Variants in SPG11 observed in about 807,000 individuals in gnomAD.
The protein encoded by SPG11 is spatacsin.
SPG11 carries 222 observed loss-of-function variants against 274.0 expected under a neutral mutation model. That is an observed-to-expected ratio of 0.81 (90% CI 0.73 to 0.91). The LOEUF (loss-of-function observed/expected upper bound fraction) is 0.91. SPG11 is among the 40% of genes least tolerant of loss of function. The probability of loss-of-function intolerance (pLI) is 0.00; values close to 1 mark genes in which losing one functional copy is unlikely to be tolerated. For synonymous variants in SPG11, 1,144 were observed against 1,039.7 expected (o/e 1.10, Z -1.93); for missense variants, 3,114 against 2,872.7 (o/e 1.08, Z -1.92).
chr15:44,649,894 C>T (rs1365749108), intron 6 of SPG11, among the ~76,000 whole-genome samples: 1 of 119,868 alleles, frequency 8.3e-6, no homozygotes, highest in Non-Finnish European at 1.8e-5. Context: ...GACTCCATAT[C>T]AAAAAAAAAA....
chr15:44,568,513 A>C (rs78700691), intron 35 of SPG11, among the ~76,000 whole-genome samples: 3,583 of 152,310 alleles, frequency 0.024, 150 homozygotes, highest in African/African-American at 0.082. Flanking sequence ...AATGTTCTGG[A>C]AACAGGTACT....
Position 44,564,581 on chromosome 15 carries a change from A to G in SPG11, c.7117T>C (p.Leu2373=). ...YLEEFKQQRL[L]KSSIFEEISK... Reference sequence around the variant, plus strand: ...ATCTCTTCAAATATACTGGACTTTAATAACCTTTGCTGCTTAAATTCTTCC... The same window carrying G: ...ATCTCTTCAAATATACTGGACTTTAGTAACCTTTGCTGCTTAAATTCTTCC... Residue 2373 remains leucine (L), a synonymous_variant, in exon 39 of 40, where the codon TTA becomes CTA. Transcript: ENST00000261866. The G allele has an allele frequency of 6.2e-7, 1 of 1,614,062 alleles. No homozygotes were observed. Among genetic ancestry groups the G allele is most frequent in the African/African-American group, 1.3e-5 (1 of 75,054 alleles).
chr15:44,585,968 G>T, intron 28 of SPG11, 118 bp from the exon 29 acceptor site: 33 of 627,078 alleles, frequency 5.3e-5, no homozygotes, highest in Non-Finnish European at 6.2e-5. Context: ...GTGGTTAAAG[G>T]AAAAATAAAA....
Position 44,660,610 on chromosome 15 carries a change from T to C in SPG11, c.264A>G (p.Leu88=), listed in dbSNP as rs779845183. The change falls in exon 2 of 40, where the codon CTA becomes CTG. Residue 88 remains leucine (L), a synonymous_variant. Coordinates refer to ENST00000261866, the MANE Select transcript of SPG11 (RefSeq NM_025137.4). ...CCLEGPFWHF[L]WEDSRNSSTP... is the part of the protein sequence containing the mutation. ...TGCTGCTGTTACGAGAATCCTCCCA[T>C]AGAAAGCTAAGAAAAAAAGTTTAGA... 6.2e-6 allele frequency: 10 copies of C among 1,614,036 alleles called. No homozygotes were observed. The highest frequency in any genetic ancestry group is 1.1e-5 in the South Asian group (1 of 91,070).
At position 44,659,312 on chromosome 15, in the gene SPG11, C is replaced by T; in HGVS notation, c.443-9G>A. 6.2e-7 allele frequency: 1 copy of T among 1,602,386 alleles called. No individual in the cohort carries two copies. Among genetic ancestry groups the T allele is most frequent in the South Asian group, 1.1e-5 (1 of 90,738 alleles). On this transcript the variant is annotated splice_polypyrimidine_tract_variant and intron_variant, in intron 2 of 39. Transcript: ENST00000261866. ...AGACAATAAGGAAATACCTACAAAA[C>T]AAAAGGATATTATTTCAAACTCATT...
rs775768037 is a variant in SPG11 at position 44,584,266 on chromosome 15, C to A, written c.5414G>T (p.Arg1805Leu). Residue 1805 changes from arginine to leucine, a missense_variant, in exon 30 of 40, where the codon CGC (arginine) becomes CTC (leucine). Coordinates refer to ENST00000261866, the MANE Select transcript of SPG11 (RefSeq NM_025137.4). The part of the protein sequence containing the change: ...EELEKQIWLC[R>L]ITQHTLGRNQ... ...TCTTCCAAGAGTGTGCTGGGTGATGCGGCACAGCCAGATCTGCTTCTCCAG... is the reference window on the plus strand; with the variant it reads ...TCTTCCAAGAGTGTGCTGGGTGATGAGGCACAGCCAGATCTGCTTCTCCAG... 6.2e-7 allele frequency: 1 copy of A among 1,613,722 alleles called. No homozygotes were observed. The highest frequency in any genetic ancestry group is 1.7e-5 in the Admixed American group (1 of 59,964).
At chr15:44,599,143 GATCTT>G (rs1341419919) in intron 21 of SPG11, among the ~76,000 whole-genome samples, 2 of 152,002 alleles carry the variant, frequency 1.3e-5, no homozygotes, top group Non-Finnish European at 2.9e-5. Flanking sequence ...GCCAACTTGT[GATCTT>G]ATCAATTATG....
intron 7 of SPG11, among the ~76,000 whole-genome samples, chr15:44,641,361 GATTA>G (rs998781311): frequency 5.9e-5 from 9 of 152,062 alleles, no homozygotes; most frequent in African/African-American, 2.2e-4. Flanking sequence ...GGAAAAGACT[GATTA>G]ATTAAATTCC....
rs997790383 is a variant in SPG11, at chr15:44,584,138, C to A, written c.5542G>T (p.Ala1848Ser). 2.5e-6 allele frequency: 4 copies of A among 1,614,086 alleles called. No homozygotes were observed. The highest frequency in any genetic ancestry group is 2.7e-5 in the African/African-American group (2 of 74,934). ...ASEFSFSKLA[A>S]LNTSKYLELN... ...TCTAAGTATTTTGATGTGTTCAGAG[C>A]AGCCAACTTGGAGAAGGAAAACTCA... Residue 1848 changes from alanine (A) to serine (S), a missense_variant, in exon 30 of 40, where the codon GCT becomes TCT. By Grantham distance (99) the Ala-to-Ser change is moderately conservative (BLOSUM62 1). Transcript: ENST00000261866.
At position 44,663,454 on chromosome 15, in the gene SPG11, A is replaced by C. The variant is rs1329927947; in HGVS notation, c.194T>G (p.Val65Gly). The C allele has an allele frequency of 3.1e-6, 5 of 1,600,378 alleles. No homozygotes were observed. The highest frequency in any genetic ancestry group is 4.3e-6 in the Non-Finnish European group (5 of 1,174,202). Residue 65 changes from valine (V) to glycine (G), a missense_variant, in exon 1 of 40, where the codon GTG becomes GGG. Coordinates refer to ENST00000261866, the MANE Select transcript of SPG11 (RefSeq NM_025137.4). ...CCGGCTGCCAGGCGTCAAAGAAAGC[A>C]CTTGGAGGCTGCCCGCAGCCGTCAG... ...GSLTAAGSLQVLSLTPGSRGG... is the reference protein window; with the variant it reads ...GSLTAAGSLQGLSLTPGSRGG...
intron 35 of SPG11, among the ~76,000 whole-genome samples, chr15:44,568,899 C>G (rs529403517): frequency 6.6e-6 from 1 of 152,134 alleles, no homozygotes; most frequent in Admixed American, 6.6e-5. Context: ...CGGCTGGGCA[C>G]GGTGGCTCAT....
At chr15:44,606,770 GATCT>G (rs1171300133) in intron 19 of SPG11, among the ~76,000 whole-genome samples, 7 of 152,118 alleles carry the variant, frequency 4.6e-5, no homozygotes. Context: ...AAGATTTTGT[GATCT>G]ATTAAAGAAG....
chr15:44,579,290 C>T (rs552147435), intron 30 of SPG11, among the ~76,000 whole-genome samples: 12 of 151,608 alleles, frequency 7.9e-5, no homozygotes, highest in Non-Finnish European at 1.6e-4. Context: ...TTTGGGAGGC[C>T]GAGGTGGGTG....
At position 44,585,798 on chromosome 15, in the gene SPG11, G is replaced by A. The variant is rs761179441; in HGVS notation, c.4959C>T (p.Ser1653=). ...CILCQILKDT[S]IAINHTIITS... ...TAATAATTGTATGATTAATGGCTATGGATGTATCCTTCAAAATCTGGCAAA... is the reference window on the plus strand; with the variant it reads ...TAATAATTGTATGATTAATGGCTATAGATGTATCCTTCAAAATCTGGCAAA... Residue 1653 remains serine (S), a synonymous_variant, in exon 29 of 40, where the codon TCC becomes TCT. Transcript: ENST00000261866. The A allele has an allele frequency of 1.1e-5, 17 of 1,613,762 alleles. No individual in the cohort carries two copies. The African/African-American group carries it at 1.9e-4, about 18-fold the overall frequency.
chr15:44,594,268 T>TGCGAAAAAAAAAAAA (rs2082976074), intron 26 of SPG11, among the ~76,000 whole-genome samples: 1 of 150,790 alleles, frequency 6.6e-6, no homozygotes, highest in Non-Finnish European at 1.5e-5. Flanking sequence ...CTACTAAAAA[T>TGCGAAAAAAAAAAAA]ACAAAAAATT....
At chr15:44,607,266 G>C (rs1007997595) in intron 19 of SPG11, among the ~76,000 whole-genome samples, 37 of 152,150 alleles carry the variant, frequency 2.4e-4, no homozygotes, top group African/African-American at 8.9e-4. Context: ...AGAGTAAGAG[G>C]GAGTTTGTGC....
intron 29 of SPG11, 65 bp downstream of exon 29, chr15:44,585,571 C>CA: frequency 7.1e-7 from 1 of 1,412,592 alleles, no homozygotes; most frequent in Non-Finnish European, 9.8e-7. Context: ...CACTGCACTC[C>CA]AGCCTGGGTG....
At chr15:44,595,489 G>A (rs1313583229) in intron 25 of SPG11, 30 bp from the exon 26 acceptor site, 2 of 1,606,036 alleles carry the variant, frequency 1.2e-6, no homozygotes, top group Admixed American at 3.3e-5. Flanking sequence ...ATAACAACTA[G>A]GCCTGGATTA....
intron 15 of SPG11, among the ~76,000 whole-genome samples, chr15:44,616,200 T>C (rs566809479): frequency 6.6e-6 from 1 of 151,116 alleles, no homozygotes; most frequent in East Asian, 1.9e-4. Context: ...TGATAATCAT[T>C]CCCATACTTT....
Sources: gnomAD v4.1 joint callset for allele counts (sites outside exome capture counted in the v4.1 genomes callset) on GRCh38, gnomAD v4.1.1 for gene constraint, MANE v1.5 for transcripts, NCBI Gene and HGNC (gene_info 2026-07-23, HGNC 2026-07-21) for gene names.